Variants in ZC3H12B observed in about 807,000 individuals in gnomAD.
The protein encoded by ZC3H12B is zinc finger CCCH-type containing 12B, also known as probable ribonuclease ZC3H12B.
ZC3H12B carries 7 observed loss-of-function variants against 43.9 expected under a neutral mutation model. The ratio of observed to expected loss-of-function variants is 0.16; its 90% confidence interval spans 0.09 to 0.30. ZC3H12B has a LOEUF of 0.30. Ranked by LOEUF, ZC3H12B falls within the 10% of genes least tolerant of loss-of-function variation. The probability of loss-of-function intolerance (pLI) is 1.00; values close to 1 mark genes in which losing one functional copy is unlikely to be tolerated. For missense variants in ZC3H12B, 475 were observed against 670.2 expected, an observed-to-expected ratio of 0.71 and a Z score of 3.22; for synonymous variants, 222 against 241.7, an observed-to-expected ratio of 0.92 and a Z score of 0.76.
the ZC3H12B span, among the ~76,000 whole-genome samples, chrX:65,254,708 C>T: frequency 9.0e-6 from 1 of 111,696 alleles, no homozygotes; most frequent in African/African-American, 3.3e-5. Context: ...CTTAACCAGG[C>T]TGAAATGGCT....
chrX:65,161,432 G>A, the ZC3H12B span, among the ~76,000 whole-genome samples: 1 of 111,603 alleles, frequency 9.0e-6, no homozygotes, highest in Admixed American at 9.6e-5. Flanking sequence ...CTTGCTTTAT[G>A]AATCTGGGTG....
the ZC3H12B span, among the ~76,000 whole-genome samples, chrX:65,360,482 A>G: frequency 8.9e-6 from 1 of 112,439 alleles, no homozygotes; most frequent in African/African-American, 3.2e-5. Flanking sequence ...GGGGGAATGC[A>G]AATTAAAACC....
At chrX:65,073,366 C>G in the ZC3H12B span, among the ~76,000 whole-genome samples, 3 of 112,123 alleles carry the variant, frequency 2.7e-5, no homozygotes, top group Non-Finnish European at 5.6e-5. Flanking sequence ...TCTGCTGGAA[C>G]TCTTTTCTGG....
Position 65,408,342 on chromosome X carries a change from C to A in ZC3H12B, n.407+9638C>A, listed in dbSNP as rs1266160641. 5.8e-6 allele frequency: 7 copies of A among 1,202,009 alleles called. No homozygotes were observed. In the Admixed American group the frequency reaches 1.5e-4, roughly 26 times the overall value. ...ACTGAAATCGCCAAGAGATTGAATA[C>A]GATTTGTGCACAAGTCATCCCATTT... On this transcript the variant is annotated intron_variant and non_coding_transcript_variant, in intron 3 of 5. Coordinates refer to the ZC3H12B transcript ENST00000617377.
the ZC3H12B span, among the ~76,000 whole-genome samples, chrX:65,165,519 A>G: frequency 1.8e-5 from 2 of 112,104 alleles, no homozygotes; most frequent in African/African-American, 6.5e-5. Flanking sequence ...TTTGAGTGAG[A>G]ATATGCAGTG....
the ZC3H12B span, among the ~76,000 whole-genome samples, chrX:65,343,304 G>A: frequency 8.9e-6 from 1 of 111,846 alleles, no homozygotes; most frequent in South Asian, 3.7e-4. Flanking sequence ...AAGGAGGAGG[G>A]ACTCTTTCCT....
At chrX:65,482,186 A>G (rs914009950) in intron 3 of ZC3H12B, among the ~76,000 whole-genome samples, 1 of 111,863 alleles carries the variant, frequency 8.9e-6, no homozygotes, top group Non-Finnish European at 1.9e-5. Flanking sequence ...TAAGAAAGGC[A>G]ATCTTTTTTT....
the ZC3H12B span, among the ~76,000 whole-genome samples, chrX:65,315,926 T>C: frequency 9.0e-6 from 1 of 111,352 alleles, no homozygotes; most frequent in African/African-American, 3.3e-5. Context: ...AGGAGTAAAA[T>C]AAGATCATAC....
chrX:65,101,157 A>T, the ZC3H12B span, among the ~76,000 whole-genome samples: 3 of 112,117 alleles, frequency 2.7e-5, no homozygotes, highest in Non-Finnish European at 5.6e-5. Flanking sequence ...TGGGCACATA[A>T]TGAAATTAAC....
At chrX:65,192,284 T>C in the ZC3H12B span, among the ~76,000 whole-genome samples, 1 of 111,957 alleles carries the variant, frequency 8.9e-6, no homozygotes, top group East Asian at 2.8e-4. Context: ...TTTGTTGATT[T>C]GGGGTGGATC....
At chrX:65,079,949 G>A in the ZC3H12B span, among the ~76,000 whole-genome samples, 1 of 111,213 alleles carries the variant, frequency 9.0e-6, no homozygotes, top group African/African-American at 3.3e-5. Flanking sequence ...AAATAGCTGT[G>A]TTGAGGAAAC....
the ZC3H12B span, among the ~76,000 whole-genome samples, chrX:65,058,379 T>G: frequency 3.6e-5 from 4 of 112,276 alleles, no homozygotes; most frequent in African/African-American, 1.3e-4. Flanking sequence ...CAGCAGAGGC[T>G]ATAAAACAGC....
At chrX:65,276,695 C>T in the ZC3H12B span, among the ~76,000 whole-genome samples, 1 of 111,844 alleles carries the variant, frequency 8.9e-6, no homozygotes, top group African/African-American at 3.2e-5. Flanking sequence ...AAGAAATGCT[C>T]AAGTGAGTCT....
chrX:65,191,615 A>T, the ZC3H12B span, among the ~76,000 whole-genome samples: 1 of 98,863 alleles, frequency 1.0e-5, no homozygotes, highest in Non-Finnish European at 1.9e-5. Flanking sequence ...CTCTGATGGT[A>T]GTTTGTATTT....
At chrX:65,314,751 A>G in the ZC3H12B span, among the ~76,000 whole-genome samples, 1 of 111,460 alleles carries the variant, frequency 9.0e-6, no homozygotes, top group East Asian at 2.8e-4. Context: ...AAAACCTTGT[A>G]GAGTAATTTC....
At chrX:65,337,687 G>T in the ZC3H12B span, among the ~76,000 whole-genome samples, 1 of 112,408 alleles carries the variant, frequency 8.9e-6, no homozygotes. Context: ...TATTGATAGC[G>T]TGCATAATTC....
At chrX:65,347,908 A>T in the ZC3H12B span, among the ~76,000 whole-genome samples, 2 of 112,357 alleles carry the variant, frequency 1.8e-5, no homozygotes, top group Non-Finnish European at 3.8e-5. Context: ...ATGCAGCCAT[A>T]AAAAAACGAT....
At chrX:65,475,156 T>G (rs2067975830) in intron 3 of ZC3H12B, among the ~76,000 whole-genome samples, 1 of 112,377 alleles carries the variant, frequency 8.9e-6, no homozygotes, top group Non-Finnish European at 1.9e-5. Flanking sequence ...TTTTTTATAT[T>G]TTGTATCCAT....
At chrX:65,149,107 C>T in the ZC3H12B span, among the ~76,000 whole-genome samples, 1 of 111,562 alleles carries the variant, frequency 9.0e-6, no homozygotes, top group Non-Finnish European at 1.9e-5. Flanking sequence ...TCTGATTTCC[C>T]ACACTATCCA....
Sources: allele counts gnomAD v4.1 joint callset (sites outside exome capture counted in the v4.1 genomes callset), GRCh38; gene constraint gnomAD v4.1.1; transcripts MANE v1.5; gene names NCBI Gene and HGNC (gene_info 2026-07-23, HGNC 2026-07-21).